Variants in SORD observed in about 807,000 individuals in gnomAD.
SORD encodes sorbitol dehydrogenase.
In SORD, 18 loss-of-function variants were observed where a neutral mutation model predicts 35.6. That is an observed-to-expected ratio of 0.51 (90% CI 0.35 to 0.75). The LOEUF (loss-of-function observed/expected upper bound fraction) is 0.75. SORD is among the 30% of genes least tolerant of loss of function. SORD has a pLI of 0.01. For missense variants in SORD, 250 were observed against 390.2 expected, an observed-to-expected ratio of 0.64 and a Z score of 3.03; for synonymous variants, 106 against 152.9, an observed-to-expected ratio of 0.69 and a Z score of 2.26.
At chr15:45,069,283 T>C (rs1893469272) in intron 7 of SORD, among the ~76,000 whole-genome samples, 1 of 137,194 alleles carries the variant, frequency 7.3e-6, no homozygotes, top group Non-Finnish European at 1.5e-5. Flanking sequence ...CTCAGCTAAC[T>C]GCAAGCTCCG....
intron 3 of SORD, among the ~76,000 whole-genome samples, chr15:45,043,962 G>A (rs138408415): frequency 7.2e-5 from 11 of 152,382 alleles, no homozygotes; most frequent in South Asian, 2.1e-4. Context: ...ATAGTTAGCT[G>A]TTGGCTTTAA....
intron 1 of SORD, among the ~76,000 whole-genome samples, chr15:45,026,334 AT>A (rs766149674): frequency 1.3e-5 from 2 of 152,254 alleles, no homozygotes; most frequent in Non-Finnish European, 2.9e-5. Flanking sequence ...GAGGACCAAA[AT>A]GAAACCCAGA....
chr15:45,029,325 T>C (rs1892730538), intron 1 of SORD, among the ~76,000 whole-genome samples: 1 of 152,398 alleles, frequency 6.6e-6, no homozygotes, highest in South Asian at 2.1e-4. Context: ...AAGGTAGCAT[T>C]TTCCTCTCAA....
At chr15:45,034,946 G>C (rs1008332852) in intron 1 of SORD, among the ~76,000 whole-genome samples, 5 of 152,324 alleles carry the variant, frequency 3.3e-5, no homozygotes, top group African/African-American at 1.2e-4. Flanking sequence ...CCGGCCCTGC[G>C]GTTCCCGGGC....
intron 3 of SORD, among the ~76,000 whole-genome samples, chr15:45,053,447 A>G (rs1222973811): frequency 6.6e-6 from 1 of 152,200 alleles, no homozygotes; most frequent in Non-Finnish European, 1.5e-5. Context: ...TGGACATCAG[A>G]TACCTAAGGA....
At chr15:45,053,888 T>C (rs569283224) in intron 3 of SORD, among the ~76,000 whole-genome samples, 2 of 135,044 alleles carry the variant, frequency 1.5e-5, no homozygotes, top group South Asian at 2.6e-4. Flanking sequence ...AGTGAGAACA[T>C]GCGGTGTTTG....
In SORD at chr15:45,071,575, T is replaced by C. The variant is rs372004145; in HGVS notation, c.787-742T>C. ...GCTTGCTGCTGACTATAATGAACAA[T>C]CAGCATGATTGAATTATCCATTCTT... On this transcript the variant is annotated intron_variant, in intron 7 of 8. Coordinates refer to ENST00000267814, the MANE Select transcript of SORD (RefSeq NM_003104.6). Among the ~76,000 whole-genome samples, 414 of 152,162 alleles carry C rather than the reference T, an allele frequency of 2.7e-3. 1 individual carries two copies. The highest frequency in any genetic ancestry group is 5.1e-3 in the African/African-American group (213 of 41,474).
At chr15:45,023,964 C>T (rs1292740885) in intron 1 of SORD, among the ~76,000 whole-genome samples, 2 of 152,180 alleles carry the variant, frequency 1.3e-5, no homozygotes, top group Non-Finnish European at 2.9e-5. Flanking sequence ...TGATAGCTCC[C>T]TTGTCTGTAA....
At chr15:45,065,163 G>A (rs567676477) in intron 4 of SORD, 108 bp from the exon 5 acceptor site, 46 of 1,033,344 alleles carry the variant, frequency 4.5e-5, no homozygotes, top group South Asian at 6.2e-5. Flanking sequence ...ATAAATGCTC[G>A]ATAAATGCTA....
At chr15:45,064,324 C>G (rs1475222141) in intron 4 of SORD, among the ~76,000 whole-genome samples, 4 of 152,152 alleles carry the variant, frequency 2.6e-5, no homozygotes, top group Non-Finnish European at 4.4e-5. Flanking sequence ...CTCTTAATGT[C>G]AGTGAGTTTC....
At chr15:45,071,588 A>G (rs1893514542) in intron 7 of SORD, among the ~76,000 whole-genome samples, 1 of 152,180 alleles carries the variant, frequency 6.6e-6, no homozygotes, top group Non-Finnish European at 1.5e-5. Context: ...GCATGATTGA[A>G]TTATCCATTC....
chr15:45,028,398 C>G (rs1381192962), intron 1 of SORD, among the ~76,000 whole-genome samples: 3 of 152,228 alleles, frequency 2.0e-5, no homozygotes, highest in Admixed American at 6.5e-5. Context: ...CATTGCATTA[C>G]AAATCAGTTC....
intron 4 of SORD, among the ~76,000 whole-genome samples, chr15:45,064,986 C>T (rs1369930677): frequency 6.6e-6 from 1 of 152,158 alleles, no homozygotes; most frequent in East Asian, 1.9e-4. Context: ...CTAATTTGAA[C>T]CCTTTGGGCC....
At chr15:45,038,873 C>T (rs1235308292) in intron 1 of SORD, among the ~76,000 whole-genome samples, 2 of 152,044 alleles carry the variant, frequency 1.3e-5, no homozygotes, top group African/African-American at 2.4e-5. Context: ...TTCATGGGGC[C>T]CAGCTCTGAC....
At chr15:45,027,102 T>C (rs1892685212) in intron 1 of SORD, among the ~76,000 whole-genome samples, 2 of 152,244 alleles carry the variant, frequency 1.3e-5, no homozygotes, top group Admixed American at 1.3e-4. Flanking sequence ...AGTGGTTTTC[T>C]TTTATAGTTA....
chr15:45,054,313 C>G (rs984494103), intron 3 of SORD, among the ~76,000 whole-genome samples: 4 of 151,638 alleles, frequency 2.6e-5, no homozygotes, highest in African/African-American at 9.7e-5. Context: ...CCTGTTGTTT[C>G]CTGACTTTTT....
intron 1 of SORD, among the ~76,000 whole-genome samples, chr15:45,032,230 T>C (rs1244646608): frequency 6.6e-6 from 1 of 150,604 alleles, no homozygotes. Flanking sequence ...ATCTGTTGTA[T>C]AACAATGTGA....
intron 4 of SORD, among the ~76,000 whole-genome samples, chr15:45,062,132 T>A (rs891297163): frequency 2.6e-5 from 4 of 152,178 alleles, no homozygotes; most frequent in Admixed American, 2.6e-4. Flanking sequence ...AATAAGTGGT[T>A]TGCATGCTTC....
chr15:45,065,054 A>C (rs1851357280), intron 4 of SORD, among the ~76,000 whole-genome samples: 1 of 152,174 alleles, frequency 6.6e-6, no homozygotes, highest in Admixed American at 6.5e-5. Flanking sequence ...CTGTTTCCTC[A>C]TCTGTAAAAT....
Sources: gnomAD v4.1 joint callset for allele counts (sites outside exome capture counted in the v4.1 genomes callset) on GRCh38, gnomAD v4.1.1 for gene constraint, MANE v1.5 for transcripts, NCBI Gene and HGNC (gene_info 2026-07-23, HGNC 2026-07-21) for gene names.